SPOCK3: variants seen among roughly 807,000 people sequenced by gnomAD.
SPOCK3 encodes testican-3.
A neutral mutation model predicts 56.6 loss-of-function variants in SPOCK3; 30 were observed. The ratio of observed to expected loss-of-function variants is 0.53; its 90% CI spans 0.40 to 0.72. The LOEUF is 0.72. Ranked by LOEUF, SPOCK3 falls within the 30% of genes least tolerant of loss-of-function variation. The pLI is 0.00. For synonymous variants in SPOCK3, 196 were observed against 183.3 expected, an observed-to-expected ratio of 1.07 and a Z score of -0.56; for missense variants, 527 against 530.0, an observed-to-expected ratio of 0.99 and a Z score of 0.06.
chr4:167,117,939 G>A (rs961722080), intron 2 of SPOCK3, among the ~76,000 whole-genome samples: 2 of 152,102 alleles, frequency 1.3e-5, no homozygotes, highest in Non-Finnish European at 2.9e-5. Flanking sequence ...ACTCCACTTT[G>A]GTAGCACAGC....
chr4:166,781,263 C>G (rs1351614556), intron 7 of SPOCK3, among the ~76,000 whole-genome samples: 1 of 152,084 alleles, frequency 6.6e-6, no homozygotes, highest in African/African-American at 2.4e-5. Flanking sequence ...TAGACATAAT[C>G]AGAGAAATAC....
intron 2 of SPOCK3, among the ~76,000 whole-genome samples, chr4:167,084,914 A>G (rs887259177): frequency 2.0e-5 from 3 of 152,122 alleles, no homozygotes; most frequent in Non-Finnish European, 2.9e-5. Flanking sequence ...AGGTACAAAC[A>G]GCCCCTGGAA....
rs565468746 is a variant in SPOCK3, at chr4:166,881,618, C to T, written c.589+7512G>A. On this transcript the variant is annotated intron_variant, in intron 6 of 10. Coordinates refer to ENST00000357545, the MANE Select transcript of SPOCK3 (RefSeq NM_001040159.2). ...TTCTGAAATATCAAATCAACAATTT[C>T]TTTATGAGGCTCTGTAAATACTGCC... is the stretch of plus-strand genomic sequence containing the variant. Among the ~76,000 whole-genome samples the T allele has an allele frequency of 3.3e-5, 5 of 152,156 alleles. No individual in the cohort carries two copies. The South Asian group carries it at 1.0e-3, about 32-fold the overall frequency.
chr4:166,808,881 C>G (rs1403234230), intron 6 of SPOCK3, among the ~76,000 whole-genome samples: 1 of 151,916 alleles, frequency 6.6e-6, no homozygotes, highest in African/African-American at 2.4e-5. Flanking sequence ...GTGTGAAAAC[C>G]TCATTATTTC....
chr4:167,217,821 A>G (rs1469251428), intron 2 of SPOCK3, among the ~76,000 whole-genome samples: 1 of 152,104 alleles, frequency 6.6e-6, no homozygotes, highest in Non-Finnish European at 1.5e-5. Flanking sequence ...ATGGCTATAC[A>G]TGATATAAAT....
At chr4:166,748,512 A>G (rs1303926909) in intron 8 of SPOCK3, among the ~76,000 whole-genome samples, 2 of 137,278 alleles carry the variant, frequency 1.5e-5, no homozygotes, top group East Asian at 3.9e-4. Flanking sequence ...CTTAAATGTT[A>G]GACCTAAAGC....
At chr4:167,130,351 GT>G (rs1190086119) in intron 2 of SPOCK3, among the ~76,000 whole-genome samples, 1 of 151,970 alleles carries the variant, frequency 6.6e-6, no homozygotes, top group Non-Finnish European at 1.5e-5. Context: ...AAAATTTGGA[GT>G]TTTTTTATTT....
chr4:166,909,719 T>G (rs1395527492), intron 5 of SPOCK3, among the ~76,000 whole-genome samples: 8 of 152,130 alleles, frequency 5.3e-5, no homozygotes. Context: ...AGGAGCTTCA[T>G]GGACCCTACT....
intron 2 of SPOCK3, among the ~76,000 whole-genome samples, chr4:167,158,525 TCTC>T (rs1417062946): frequency 6.6e-6 from 1 of 151,918 alleles, no homozygotes; most frequent in Non-Finnish European, 1.5e-5. Flanking sequence ...AAAAGATCAT[TCTC>T]CTTACCAGAA....
At chr4:166,889,085 A>G in intron 6 of SPOCK3, 45 bp downstream of exon 6, 1 of 1,189,046 alleles carries the variant, frequency 8.4e-7, no homozygotes, top group Non-Finnish European at 1.3e-6. Context: ...ACATTTTAGT[A>G]GAGAGTGATG....
rs187210088 is a variant in SPOCK3 at position 167,077,367 on chromosome 4, A to G, written c.190-14830T>C. 9.5e-4 allele frequency among the ~76,000 whole-genome samples: 145 copies of G among 151,900 alleles called. 3 individuals are homozygous for G. In the East Asian group the frequency reaches 0.013, roughly 13 times the overall value. On this transcript the variant is annotated intron_variant, in intron 2 of 10. Coordinates refer to ENST00000357545, the MANE Select transcript of SPOCK3 (RefSeq NM_001040159.2). ...GTTCTCTCACCCATAACAGAAAAAAAAGCTATAGCCCAAATGAAAAGTGTA... is the reference window on the plus strand; with the variant it reads ...GTTCTCTCACCCATAACAGAAAAAAGAGCTATAGCCCAAATGAAAAGTGTA...
At chr4:167,127,899 TTACCA>T (rs1443210379) in intron 2 of SPOCK3, among the ~76,000 whole-genome samples, 2 of 152,146 alleles carry the variant, frequency 1.3e-5, no homozygotes, top group Non-Finnish European at 2.9e-5. Context: ...TCAAAATAAA[TTACCA>T]TACACTTGTG....
chr4:167,141,282 T>G (rs1005677655), intron 2 of SPOCK3, among the ~76,000 whole-genome samples: 2 of 152,058 alleles, frequency 1.3e-5, no homozygotes, highest in African/African-American at 4.8e-5. Context: ...CTCAGCCTCC[T>G]AATTTTTCCA....
At chr4:167,089,585 C>A (rs770979598) in intron 2 of SPOCK3, among the ~76,000 whole-genome samples, 1 of 151,986 alleles carries the variant, frequency 6.6e-6, no homozygotes, top group African/African-American at 2.4e-5. Context: ...AATTTTTAAC[C>A]CCACAAATCA....
intron 5 of SPOCK3, among the ~76,000 whole-genome samples, chr4:166,910,950 A>T (rs918673547): frequency 6.6e-6 from 1 of 152,170 alleles, no homozygotes; most frequent in African/African-American, 2.4e-5. Flanking sequence ...TACAATCTGC[A>T]TCCTTCATTA....
At chr4:166,948,287 C>A (rs1331939398) in intron 4 of SPOCK3, among the ~76,000 whole-genome samples, 1 of 152,164 alleles carries the variant, frequency 6.6e-6, no homozygotes, top group Non-Finnish European at 1.5e-5. Flanking sequence ...GATTCCATAT[C>A]TTGGCTATTG....
chr4:167,199,694 AAATAATAATAATAATAATAAT>A lies in SPOCK3; in HGVS notation c.189+34270_189+34290del, dbSNP rs200479070. Among the ~76,000 whole-genome samples, 58 of 141,632 alleles carry A rather than the reference AAATAATAATAATAATAATAAT, an allele frequency of 4.1e-4. 1 individual carries two copies. Among genetic ancestry groups the A allele is most frequent in the African/African-American group, 1.2e-3 (48 of 38,912 alleles). 92.9% of individuals were successfully genotyped at this position (141,632 alleles called of 152,430 possible). ...AAACCCAACTTATAATGTGTGAAAT[AAATAATAATAATAATAATAAT>A]AATAATAATAATAATAATAATAACT... On this transcript the variant is annotated intron_variant, in intron 2 of 10. Transcript: ENST00000357545.
intron 9 of SPOCK3, among the ~76,000 whole-genome samples, chr4:166,740,531 C>T (rs10029135): frequency 0.15 from 1,107 of 7,438 alleles, 14 homozygotes; most frequent in African/African-American, 0.18. Flanking sequence ...TTATTATTAT[C>T]ATTATTATTT....
At chr4:167,147,086 AG>A (rs1764025800) in intron 2 of SPOCK3, among the ~76,000 whole-genome samples, 1 of 152,188 alleles carries the variant, frequency 6.6e-6, no homozygotes, top group Non-Finnish European at 1.5e-5. Context: ...AGAAGAAAAG[AG>A]AGAAGAATCA....
Sources: gnomAD v4.1 joint callset for allele counts (sites outside exome capture counted in the v4.1 genomes callset) on GRCh38, gnomAD v4.1.1 for gene constraint, MANE v1.5 for transcripts, NCBI Gene and HGNC (gene_info 2026-07-23, HGNC 2026-07-21) for gene names.